Variants in SOX5 observed in about 807,000 individuals in gnomAD.
The protein encoded by SOX5 is transcription factor SOX-5.
SOX5 carries 9 observed loss-of-function variants against 92.0 expected under a neutral mutation model. The ratio of observed to expected loss-of-function variants is 0.10; its 90% CI spans 0.06 to 0.17. SOX5 has a LOEUF of 0.17. Among genes scored for constraint, SOX5 ranks in the 10% least tolerant of loss-of-function variants. SOX5 has a pLI of 1.00. For missense variants in SOX5, 642 were observed against 944.5 expected, an observed-to-expected ratio of 0.68 and a Z score of 4.20; for synonymous variants, 344 against 336.3, an observed-to-expected ratio of 1.02 and a Z score of -0.25.
intron 4 of SOX5, among the ~76,000 whole-genome samples, chr12:23,970,841 A>ATATATATATATATTTTTTTTTTTTTTTTT: frequency 9.1e-5 from 2 of 21,884 alleles, no homozygotes; most frequent in Non-Finnish European, 2.1e-4. Flanking sequence ...TATATATATA[A>ATATATATATATATTTTTTTTTTTTTTTTT]TTTTTTTTTT....
chr12:23,930,515 T>C (rs73280191), intron 1 of SOX5, among the ~76,000 whole-genome samples: 10 of 151,810 alleles, frequency 6.6e-5, no homozygotes, highest in African/African-American at 2.4e-4. Context: ...TTAAGGTGTT[T>C]TGGGTCCTTC....
chr12:24,233,192 A>G (rs2139966479), intron 3 of SOX5, among the ~76,000 whole-genome samples: 1 of 152,364 alleles, frequency 6.6e-6, no homozygotes, highest in Non-Finnish European at 1.5e-5. Flanking sequence ...AAACGAAATG[A>G]GAAAATGGAT....
intron 3 of SOX5, among the ~76,000 whole-genome samples, chr12:24,274,889 A>AG (rs1427367704): frequency 6.6e-5 from 10 of 152,214 alleles, no homozygotes; most frequent in African/African-American, 1.9e-4. Flanking sequence ...CATGCATACC[A>AG]GAAGCCTTCA....
intron 2 of SOX5, among the ~76,000 whole-genome samples, chr12:24,305,613 T>C (rs1171434470): frequency 6.6e-6 from 1 of 152,224 alleles, no homozygotes; most frequent in East Asian, 1.9e-4. Flanking sequence ...GTGGTTTTTT[T>C]TGGAGACAGA....
intron 4 of SOX5, among the ~76,000 whole-genome samples, chr12:23,998,749 C>T (rs1592187910): frequency 2.3e-5 from 3 of 132,806 alleles, no homozygotes; most frequent in Non-Finnish European, 4.6e-5. Context: ...TGCAATGAGC[C>T]GAGATCACGC....
At chr12:24,100,684 A>G (rs953407222) in intron 4 of SOX5, among the ~76,000 whole-genome samples, 4 of 152,140 alleles carry the variant, frequency 2.6e-5, no homozygotes, top group Admixed American at 1.3e-4. Flanking sequence ...CTAATATTTA[A>G]TAAACTACTT....
At chr12:24,391,015 G>A (rs1958938167) in intron 1 of SOX5, among the ~76,000 whole-genome samples, 1 of 152,058 alleles carries the variant, frequency 6.6e-6, no homozygotes, top group Non-Finnish European at 1.5e-5. Flanking sequence ...TTTTCCATAG[G>A]ATTGTACTAA....
At position 24,370,476 on chromosome 12, in the gene SOX5, C is replaced by CAAAAA. The variant is rs57192965; in HGVS notation, c.-250-1842_-250-1838dup. 2.3e-4 allele frequency among the ~76,000 whole-genome samples: 18 copies of CAAAAA among 79,718 alleles called. 5 individuals are homozygous for CAAAAA. Among genetic ancestry groups the CAAAAA allele is most frequent in the Non-Finnish European group, 2.5e-4 (11 of 43,554 alleles). 52.3% of individuals were successfully genotyped at this position (79,718 alleles called of 152,430 possible). ...TGGGCGACACTGCAAGACTCCGTCTCAAAAAAAAAAAAAAAAAAAGATGTA... is the reference window on the plus strand; with the variant it reads ...TGGGCGACACTGCAAGACTCCGTCTCAAAAAAAAAAAAAAAAAAAAAAAAGATGTA... On this transcript the variant is annotated intron_variant, in intron 1 of 4. Coordinates refer to the SOX5 transcript ENST00000446891.
chr12:24,464,290 C>T (rs1006848595), intron 1 of SOX5, among the ~76,000 whole-genome samples: 2 of 151,490 alleles, frequency 1.3e-5, no homozygotes, highest in African/African-American at 4.8e-5. Flanking sequence ...TTGTAGTTTT[C>T]TCTTTCACTA....
intron 2 of SOX5, among the ~76,000 whole-genome samples, chr12:23,869,572 G>A (rs2096851548): frequency 6.6e-6 from 1 of 152,096 alleles, no homozygotes; most frequent in Non-Finnish European, 1.5e-5. Context: ...CATGTGTATT[G>A]GATGTGTGCC....
chr12:23,719,759 T>C (rs2092703113), intron 6 of SOX5, among the ~76,000 whole-genome samples: 2 of 125,028 alleles, frequency 1.6e-5, no homozygotes, highest in African/African-American at 6.1e-5. Flanking sequence ...AGTGAGACCC[T>C]GCTTTCAAAA....
At chr12:24,141,837 T>C (rs940116111) in intron 4 of SOX5, among the ~76,000 whole-genome samples, 18 of 152,160 alleles carry the variant, frequency 1.2e-4, no homozygotes, top group Non-Finnish European at 2.2e-4. Context: ...GCATAGTTTT[T>C]AAGGGGGTAT....
At chr12:24,061,595 T>C (rs967212481) in intron 4 of SOX5, among the ~76,000 whole-genome samples, 2 of 152,084 alleles carry the variant, frequency 1.3e-5, no homozygotes, top group African/African-American at 4.8e-5. Context: ...GCACAAAACA[T>C]AGGGCATCAC....
chr12:23,846,267 T>G, intron 2 of SOX5, 74 bp from the exon 3 acceptor site: 1 of 1,186,292 alleles, frequency 8.4e-7, no homozygotes, highest in Non-Finnish European at 1.2e-6. Context: ...ATTGTTTACC[T>G]GAAAGAGAAA....
At chr12:23,651,086 G>C (rs1268444805) in intron 7 of SOX5, among the ~76,000 whole-genome samples, 1 of 151,898 alleles carries the variant, frequency 6.6e-6, no homozygotes, top group Non-Finnish European at 1.5e-5. Context: ...AAGAAATATT[G>C]TTTCCCCAAA....
chr12:24,451,126 T>TAAATAAAAAAA (rs1414133476), intron 1 of SOX5, among the ~76,000 whole-genome samples: 1 of 152,244 alleles, frequency 6.6e-6, no homozygotes, highest in Admixed American at 6.5e-5. Flanking sequence ...TGACAGGATC[T>TAAATAAAAAAA]CATCCTTTTT....
chr12:24,373,263 CT>C (rs1956927211), intron 1 of SOX5, among the ~76,000 whole-genome samples: 1 of 152,168 alleles, frequency 6.6e-6, no homozygotes, highest in South Asian at 2.1e-4. Flanking sequence ...TAGTTGCTCC[CT>C]ATCTCATTCT....
chr12:24,402,376 C>T (rs930255956), intron 1 of SOX5, among the ~76,000 whole-genome samples: 1 of 152,186 alleles, frequency 6.6e-6, no homozygotes. Context: ...CCTGTCCCTA[C>T]CACTTTTTTC....
intron 1 of SOX5, among the ~76,000 whole-genome samples, chr12:24,475,699 G>A (rs1202717924): frequency 1.3e-5 from 2 of 152,160 alleles, no homozygotes; most frequent in East Asian, 3.8e-4. Context: ...AAGCAGAAGA[G>A]AGCCAGGTGC....
Sources: gnomAD v4.1 joint callset for allele counts (sites outside exome capture counted in the v4.1 genomes callset) on GRCh38, gnomAD v4.1.1 for gene constraint, MANE v1.5 for transcripts, NCBI Gene and HGNC (gene_info 2026-07-23, HGNC 2026-07-21) for gene names.